The following VPS13B variants were observed in gnomAD, a reference collection of about 807,000 sequenced individuals.
The protein encoded by VPS13B is vacuolar protein sorting 13 homolog B.
In VPS13B, 285 loss-of-function variants were observed where a neutral mutation model predicts 426.4. The observed-to-expected ratio is 0.67, with a 90% CI of 0.61 to 0.74. The LOEUF (loss-of-function observed/expected upper bound fraction) is 0.74, where lower values mean the gene tolerates loss of function less well. Ranked by LOEUF, VPS13B falls within the 30% of genes least tolerant of loss-of-function variation. The pLI is 0.00. For synonymous variants in VPS13B, 1,676 were observed against 1,676.4 expected, an observed-to-expected ratio of 1.00 and a Z score of 0.01; for missense variants, 4,537 against 4,782.6, an observed-to-expected ratio of 0.95 and a Z score of 1.51.
At chr8:99,223,096 G>A (rs1815820650) in intron 17 of VPS13B, among the ~76,000 whole-genome samples, 1 of 152,112 alleles carries the variant, frequency 6.6e-6, no homozygotes, top group South Asian at 2.1e-4. Flanking sequence ...CCAAAGTGCT[G>A]GGATTACAGG....
chr8:99,402,582 C>G (rs986053185), intron 21 of VPS13B, among the ~76,000 whole-genome samples: 3 of 151,978 alleles, frequency 2.0e-5, no homozygotes, highest in Admixed American at 6.6e-5. Context: ...TCCCAAGGAG[C>G]CAATTTAAAC....
intron 21 of VPS13B, among the ~76,000 whole-genome samples, chr8:99,427,514 C>T (rs1310340617): frequency 4.0e-5 from 6 of 151,542 alleles, no homozygotes; most frequent in Non-Finnish European, 8.8e-5. Context: ...AGAGTCAAAT[C>T]CTGAATGCAC....
At chr8:99,036,661 G>A (rs1394570255) in intron 2 of VPS13B, among the ~76,000 whole-genome samples, 1 of 152,096 alleles carries the variant, frequency 6.6e-6, no homozygotes, top group Non-Finnish European at 1.5e-5. Context: ...AAGTTCTTGA[G>A]TTTGATTCAG....
Position 99,511,475 on chromosome 8 carries a change from T to G in VPS13B, c.4596T>G (p.Phe1532Leu), listed in dbSNP as rs1198827619. 1.2e-6 allele frequency: 2 copies of G among 1,612,630 alleles called. No individual in the cohort carries two copies. ...IYVNTSVIRIFIPKTEEMQPT... is the reference protein window; with the variant it reads ...IYVNTSVIRILIPKTEEMQPT... ...TCAACACAAGTGTAATCAGAATTTT[T>G]ATTCCAAAAACAGAAGAAATGCAGC... The change falls in exon 29 of 62, where the codon TTT (phenylalanine) becomes TTG (leucine). Residue 1532 changes from phenylalanine to leucine, a missense_variant. Physicochemically the swap from Phe to Leu is conservative, Grantham distance 22. This residue lies in a region of VPS13B where 4,311 missense variants were observed against 4,474.3 expected (regional missense o/e 0.96). Transcript: ENST00000357162.
intron 39 of VPS13B, among the ~76,000 whole-genome samples, chr8:99,737,480 T>C (rs1237210965): frequency 2.0e-5 from 3 of 152,160 alleles, no homozygotes; most frequent in African/African-American, 7.2e-5. Context: ...AAGCATAATA[T>C]TTTTGAAATC....
intron 17 of VPS13B, among the ~76,000 whole-genome samples, chr8:99,211,708 C>T (rs1270272062): frequency 6.6e-6 from 1 of 151,678 alleles, no homozygotes; most frequent in African/African-American, 2.4e-5. Context: ...ATCTGGGAGG[C>T]GGTGGTTGCA....
intron 5 of VPS13B, among the ~76,000 whole-genome samples, chr8:99,107,675 TTA>T (rs1847119153): frequency 1.3e-5 from 2 of 152,190 alleles, no homozygotes; most frequent in Non-Finnish European, 2.9e-5. Flanking sequence ...ACATCCTTTT[TTA>T]TGTTTCCTTG....
At chr8:99,204,767 CT>C (rs1475284829) in intron 17 of VPS13B, among the ~76,000 whole-genome samples, 1 of 152,188 alleles carries the variant, frequency 6.6e-6, no homozygotes, top group African/African-American at 2.4e-5. Context: ...CTCATCATCA[CT>C]AGTCATTAGA....
intron 23 of VPS13B, among the ~76,000 whole-genome samples, chr8:99,449,504 C>T (rs149694755): frequency 6.6e-6 from 1 of 151,908 alleles, no homozygotes; most frequent in African/African-American, 2.4e-5. Context: ...TAGGATTATC[C>T]GAAGTCATTT....
At chr8:99,739,666 A>G (rs558554400) in intron 39 of VPS13B, among the ~76,000 whole-genome samples, 1 of 152,238 alleles carries the variant, frequency 6.6e-6, no homozygotes, top group East Asian at 1.9e-4. Flanking sequence ...CTGTTCACCA[A>G]TATCCACCGT....
chr8:99,425,150 G>C (rs1276533171), intron 21 of VPS13B, among the ~76,000 whole-genome samples: 2 of 152,150 alleles, frequency 1.3e-5, no homozygotes, highest in African/African-American at 4.8e-5. Context: ...GGATGAGCTG[G>C]TACCATTCCT....
At chr8:99,424,878 G>A (rs1181691519) in intron 21 of VPS13B, among the ~76,000 whole-genome samples, 1 of 152,048 alleles carries the variant, frequency 6.6e-6, no homozygotes, top group Non-Finnish European at 1.5e-5. Flanking sequence ...AAATGACAAA[G>A]GGGTATCACC....
intron 21 of VPS13B, among the ~76,000 whole-genome samples, chr8:99,426,056 C>A (rs1223563538): frequency 1.8e-5 from 2 of 113,446 alleles, no homozygotes; most frequent in African/African-American, 3.4e-5. Flanking sequence ...TGCTATCCCT[C>A]CCCCCCTCCC....
chr8:99,507,034 G>A, intron 27 of VPS13B, 103 bp from the exon 28 acceptor site: 1 of 1,203,226 alleles, frequency 8.3e-7, no homozygotes, highest in Non-Finnish European at 1.2e-6. Flanking sequence ...TTAGTTCAGT[G>A]CAGTGTTGTG....
Position 99,784,490 on chromosome 8 carries a change from A to T in VPS13B, c.7941+14A>T. On this transcript the variant is annotated intron_variant, in intron 43 of 61. Transcript: ENST00000357162. The stretch of plus-strand genomic sequence containing the variant: ...AAATCCCCACAGGTATTTGAGAAAC[A>T]CCCTTACAAACAGCCATTGTTAAGG... 6.2e-7 allele frequency: 1 copy of T among 1,613,422 alleles called. No individual in the cohort carries two copies. Among genetic ancestry groups the T allele is most frequent in the Non-Finnish European group, 8.5e-7 (1 of 1,179,546 alleles).
rs2130810579 is a variant in VPS13B, at chr8:99,817,549, T to C, written c.8107T>C (p.Cys2703Arg). ...LNGVQKQIII[C>R]GRQIICSYLS... The stretch of plus-strand genomic sequence containing the variant: ...CTTAACTGTCTTTTAGATTATCATC[T>C]GTGGAAGACAGATCATCTGTAGTTA... The change falls in exon 45 of 62, where the codon TGT becomes CGT. Residue 2703 changes from cysteine to arginine, a missense_variant. This residue lies in a region of VPS13B where 4,311 missense variants were observed against 4,474.3 expected (regional missense o/e 0.96). Transcript: ENST00000357162. 1.2e-6 allele frequency: 2 copies of C among 1,614,034 alleles called. No individual in the cohort carries two copies. Among genetic ancestry groups the C allele is most frequent in the Admixed American group, 3.3e-5 (2 of 60,026 alleles).
intron 39 of VPS13B, among the ~76,000 whole-genome samples, chr8:99,757,390 T>C (rs1318529581): frequency 6.6e-6 from 1 of 152,066 alleles, no homozygotes; most frequent in East Asian, 1.9e-4. Context: ...GCTACATCAG[T>C]TGCTAGATCT....
chr8:99,528,516 C>T (rs1399580155), intron 30 of VPS13B, among the ~76,000 whole-genome samples: 1 of 152,058 alleles, frequency 6.6e-6, no homozygotes, highest in Admixed American at 6.6e-5. Flanking sequence ...ATTGTAATTT[C>T]ATTGTAGTTC....
intron 2 of VPS13B, 145 bp from the exon 3 acceptor site, chr8:99,038,278 T>C (rs187675272): frequency 1.8e-6 from 1 of 571,276 alleles, no homozygotes; most frequent in African/African-American, 1.9e-5. Context: ...AATTTGTATA[T>C]TAGAATGAAA....
Sources: allele counts gnomAD v4.1 joint callset (sites outside exome capture counted in the v4.1 genomes callset), GRCh38; gene constraint gnomAD v4.1.1; regional missense constraint gnomAD v4.1.1; transcripts MANE v1.5; gene names NCBI Gene and HGNC (gene_info 2026-07-23, HGNC 2026-07-21).